The following UNC5A variants were observed in gnomAD, a reference collection of about 807,000 sequenced individuals.
UNC5A encodes netrin receptor UNC5A.
A neutral mutation model predicts 87.4 loss-of-function variants in UNC5A; 20 were observed. That is an observed-to-expected ratio of 0.23 (90% CI 0.16 to 0.33). The LOEUF (loss-of-function observed/expected upper bound fraction) is 0.33, where lower values mean the gene tolerates loss of function less well. Among genes scored for constraint, UNC5A ranks in the 10% least tolerant of loss-of-function variants. The pLI is 1.00. For synonymous variants in UNC5A, 438 were observed against 482.3 expected (o/e 0.91, Z 1.20); for missense variants, 844 against 1,133.4 (o/e 0.74, Z 3.67).
chr5:176,824,295 C>T lies in UNC5A; in HGVS notation c.70+13475C>T, dbSNP rs1030695751. ...GACAAGCGGAGGGAGGAGGCTGTCC[C>T]AGTGGCCCCGAGGCCCTGAGGCTCT... On this transcript the variant is annotated intron_variant, in intron 1 of 14. Coordinates refer to ENST00000329542, the MANE Select transcript of UNC5A (RefSeq NM_133369.3). This position sits in a 1 kb window ranked among gnomAD's most constrained non-coding sequence, Gnocchi z 4.2. Among the ~76,000 whole-genome samples, 1 of 152,200 alleles carries T rather than the reference C, an allele frequency of 6.6e-6. No homozygotes were observed. The highest frequency in any genetic ancestry group is 1.5e-5 in the Non-Finnish European group (1 of 68,032).
chr5:176,816,351 C>T (rs538826579), intron 1 of UNC5A, among the ~76,000 whole-genome samples: 1 of 152,386 alleles, frequency 6.6e-6, no homozygotes, highest in Non-Finnish European at 1.5e-5. Context: ...CCCACTTCTG[C>T]TGGCAAATAA....
At chr5:176,857,626 C>T (rs544837536) in intron 1 of UNC5A, among the ~76,000 whole-genome samples, 3 of 152,336 alleles carry the variant, frequency 2.0e-5, no homozygotes, top group East Asian at 1.9e-4. Flanking sequence ...CCACCCTTGC[C>T]GAGCAGGGGC....
At chr5:176,853,023 C>A (rs962881535) in intron 1 of UNC5A, among the ~76,000 whole-genome samples, 6 of 152,224 alleles carry the variant, frequency 3.9e-5, no homozygotes, top group South Asian at 2.1e-4. Context: ...CTCCTTCACA[C>A]AGGCCAGGTC....
intron 1 of UNC5A, among the ~76,000 whole-genome samples, chr5:176,837,727 ACT>A (rs1757180310): frequency 6.6e-6 from 1 of 151,580 alleles, no homozygotes. Context: ...CTAGCTGGGA[ACT>A]CTGTTTTAGC....
intron 1 of UNC5A, among the ~76,000 whole-genome samples, chr5:176,818,328 G>A (rs373602644): frequency 6.6e-6 from 1 of 152,216 alleles, no homozygotes; most frequent in Non-Finnish European, 1.5e-5. Flanking sequence ...CTTGCCCCAG[G>A]TCCCGGCTGT....
chr5:176,857,151 T>G (rs907104576), intron 1 of UNC5A, among the ~76,000 whole-genome samples: 3 of 152,240 alleles, frequency 2.0e-5, no homozygotes, highest in African/African-American at 7.2e-5. Context: ...CCTTCTCTGC[T>G]GCACTTAGTC....
chr5:176,836,621 G>A (rs1757153714), intron 1 of UNC5A, among the ~76,000 whole-genome samples: 1 of 151,936 alleles, frequency 6.6e-6, no homozygotes. Flanking sequence ...ATCAGAGAGA[G>A]GCCAAGAGGG....
At position 176,868,891 on chromosome 5, in the gene UNC5A, G is replaced by A. The variant is rs781142611; in HGVS notation, c.648G>A (p.Thr216=). Residue 216 remains threonine (T), a synonymous_variant, in exon 5 of 15, where the codon ACG becomes ACA. Coordinates refer to ENST00000329542, the MANE Select transcript of UNC5A (RefSeq NM_133369.3). Reference sequence around the variant, plus strand: ...TGCGACAGGCCCGCCTTGCTGACACGGCCAACTACACCTGCGTGGCCAAGA... The same window carrying A: ...TGCGACAGGCCCGCCTTGCTGACACAGCCAACTACACCTGCGTGGCCAAGA... The part of the protein sequence containing the change: ...LVVRQARLAD[T]ANYTCVAKNI... 2.2e-4 allele frequency: 354 copies of A among 1,612,724 alleles called. No homozygotes were observed. The highest frequency in any genetic ancestry group is 2.9e-4 in the Non-Finnish European group (341 of 1,179,876).
At chr5:176,853,247 G>C (rs530456501) in intron 1 of UNC5A, among the ~76,000 whole-genome samples, 1 of 152,340 alleles carries the variant, frequency 6.6e-6, no homozygotes, top group East Asian at 1.9e-4. Context: ...CCTTAGGAAA[G>C]GCCTGAGCCT....
chr5:176,877,141 G>A (rs764413358), intron 8 of UNC5A, 51 bp from the exon 9 acceptor site: 2 of 1,441,676 alleles, frequency 1.4e-6, no homozygotes, highest in South Asian at 2.3e-5. Context: ...GTGGTGGGGT[G>A]TTGGGTGCTT....
chr5:176,849,187 C>T (rs190253329), intron 1 of UNC5A, among the ~76,000 whole-genome samples: 30 of 152,328 alleles, frequency 2.0e-4, no homozygotes, highest in Non-Finnish European at 2.9e-5. Context: ...GCCCTGCCGA[C>T]TTGTTTGGCC....
At chr5:176,873,910 C>A in intron 6 of UNC5A, 58 bp from the exon 7 acceptor site, 1 of 1,564,656 alleles carries the variant, frequency 6.4e-7, no homozygotes, top group Non-Finnish European at 8.7e-7. Context: ...GACCACTGAC[C>A]TCTCCTTCCC....
At chr5:176,856,833 T>C (rs1309996415) in intron 1 of UNC5A, among the ~76,000 whole-genome samples, 9 of 152,092 alleles carry the variant, frequency 5.9e-5, no homozygotes, top group Non-Finnish European at 5.9e-5. Context: ...CCCCAAGGCT[T>C]CCTGTGGCCC....
intron 1 of UNC5A, among the ~76,000 whole-genome samples, chr5:176,842,400 C>G (rs1360363850): frequency 6.6e-6 from 1 of 152,128 alleles, no homozygotes; most frequent in African/African-American, 2.4e-5. Context: ...AGAAAAGATG[C>G]TTGCACACAC....
chr5:176,819,222 C>T (rs576475443), intron 1 of UNC5A, among the ~76,000 whole-genome samples: 1 of 152,328 alleles, frequency 6.6e-6, no homozygotes, highest in South Asian at 2.1e-4. Flanking sequence ...ATCTTTGTTA[C>T]CTGTCTGTGG....
intron 1 of UNC5A, among the ~76,000 whole-genome samples, chr5:176,813,596 T>TG (rs1756520639): frequency 6.6e-6 from 1 of 152,128 alleles, no homozygotes; most frequent in Non-Finnish European, 1.5e-5. Flanking sequence ...TTGCCTGTGT[T>TG]GGGAGGGGGG....
At chr5:176,861,825 A>AGGCCCGGCT (rs33985583) in intron 1 of UNC5A, among the ~76,000 whole-genome samples, 1 of 151,882 alleles carries the variant, frequency 6.6e-6, no homozygotes, top group African/African-American at 2.4e-5. Flanking sequence ...AGCCCCAGGG[A>AGGCCCGGCT]GGCTGAGGAC....
chr5:176,879,166 G>A, intron 13 of UNC5A, 144 bp from the exon 14 acceptor site: 1 of 1,022,110 alleles, frequency 9.8e-7, no homozygotes, highest in Non-Finnish European at 1.4e-6. Context: ...AAGGGCCTTG[G>A]CACATGGGAG....
rs566418689 is a variant in UNC5A at position 176,820,115 on chromosome 5, G to A, written c.70+9295G>A. On this transcript the variant is annotated intron_variant, in intron 1 of 14. Coordinates refer to ENST00000329542, the MANE Select transcript of UNC5A (RefSeq NM_133369.3). ...GTCTCTACTAAAAATACAAAATGTT[G>A]GGCCGGGCACGGTGGCTCATGCCTG... 3.4e-4 allele frequency among the ~76,000 whole-genome samples: 48 copies of A among 139,794 alleles called. No individual in the cohort carries two copies. The South Asian group carries it at 0.011, about 32-fold the overall frequency. 91.7% of individuals were successfully genotyped at this position (139,794 alleles called of 152,430 possible).
Sources: allele counts gnomAD v4.1 joint callset (sites outside exome capture counted in the v4.1 genomes callset), GRCh38; gene constraint gnomAD v4.1.1; non-coding constraint Gnocchi (gnomAD v3.1); transcripts MANE v1.5; gene names NCBI Gene and HGNC (gene_info 2026-07-23, HGNC 2026-07-21).